ATP8A2: variants seen among roughly 807,000 people sequenced by gnomAD.
The protein encoded by ATP8A2 is ATPase phospholipid transporting 8A2.
In ATP8A2, 100 loss-of-function variants were observed where a neutral mutation model predicts 165.6. The ratio of observed to expected loss-of-function variants is 0.60; its 90% CI spans 0.51 to 0.71. ATP8A2 has a LOEUF of 0.71. ATP8A2 is among the 30% of genes least tolerant of loss of function. ATP8A2 has a pLI of 0.00. For synonymous variants in ATP8A2, 543 were observed against 548.8 expected, an observed-to-expected ratio of 0.99 and a Z score of 0.15; for missense variants, 1,227 against 1,479.5, an observed-to-expected ratio of 0.83 and a Z score of 2.80.
intron 30 of ATP8A2, among the ~76,000 whole-genome samples, chr13:25,848,941 A>G (rs762689731): frequency 3.3e-5 from 5 of 151,934 alleles, no homozygotes; most frequent in Non-Finnish European, 7.4e-5. Flanking sequence ...ATGTAAATCT[A>G]GAAGTTGCTA....
chr13:25,848,163 C>G (rs1217530350), intron 30 of ATP8A2, among the ~76,000 whole-genome samples: 2 of 152,248 alleles, frequency 1.3e-5, no homozygotes, highest in Admixed American at 1.3e-4. Context: ...CTTCTAGCAT[C>G]TGTGAGTACG....
chr13:25,918,964 A>G (rs901096100), intron 33 of ATP8A2, among the ~76,000 whole-genome samples: 20 of 152,260 alleles, frequency 1.3e-4, no homozygotes, highest in African/African-American at 4.8e-4. Context: ...TTAAAATACT[A>G]TTCCTCATAG....
intron 27 of ATP8A2, among the ~76,000 whole-genome samples, chr13:25,821,321 C>CTAG (rs1258509909): frequency 2.0e-5 from 3 of 152,124 alleles, no homozygotes; most frequent in Non-Finnish European, 2.9e-5. Flanking sequence ...GAAGGAGATG[C>CTAG]TAGATTTCTT....
chr13:25,995,548 T>A (rs7489869), intron 35 of ATP8A2, among the ~76,000 whole-genome samples: 91,592 of 151,522 alleles, frequency 0.6, 27,988 homozygotes, highest in East Asian at 0.81. Flanking sequence ...GCTTTTTCTT[T>A]ATCCTTTATT....
chr13:25,654,307 G>A (rs1335697545), intron 24 of ATP8A2, among the ~76,000 whole-genome samples: 1 of 152,136 alleles, frequency 6.6e-6, no homozygotes, highest in African/African-American at 2.4e-5. Context: ...CTGGGCTCAG[G>A]TGATCCTTCC....
rs539934595 is a variant in ATP8A2, at chr13:25,839,423, A to G, written c.2878-123A>G. ...TTTTTTTTTCAAATTCAAGAATAAT[A>G]TGCTACTCCTGGAACCGTGCAGCGC... On this transcript the variant is annotated intron_variant, in intron 29 of 36. Transcript: ENST00000381655. 4.5e-5 allele frequency: 29 copies of G among 649,132 alleles called. No homozygotes were observed. In the South Asian group the frequency reaches 5.8e-4, roughly 13 times the overall value. 40.2% of individuals were successfully genotyped at this position (649,132 alleles called of 1,614,324 possible).
Position 25,733,410 on chromosome 13 carries a change from C to T in ATP8A2, c.2384+34065C>T, listed in dbSNP as rs372018382. 1.6e-4 allele frequency among the ~76,000 whole-genome samples: 24 copies of T among 152,204 alleles called. No individual in the cohort carries two copies. The South Asian group carries it at 4.8e-3, about 30-fold the overall frequency. On this transcript the variant is annotated intron_variant, in intron 25 of 36. Coordinates refer to ENST00000381655, the MANE Select transcript of ATP8A2 (RefSeq NM_016529.6). ...CTTAGGCACTTTGTGTTCGCATATA[C>T]ATACACAGGCATGCCCATACCTGTG... is the stretch of plus-strand genomic sequence containing the variant.
intron 24 of ATP8A2, among the ~76,000 whole-genome samples, chr13:25,667,499 C>G (rs2042178772): frequency 1.3e-5 from 2 of 152,188 alleles, no homozygotes; most frequent in South Asian, 4.1e-4. Flanking sequence ...GCATTTCCCT[C>G]TTTTTGCACA....
intron 35 of ATP8A2, among the ~76,000 whole-genome samples, chr13:26,008,889 G>A (rs1237270082): frequency 6.6e-6 from 1 of 152,086 alleles, no homozygotes; most frequent in African/African-American, 2.4e-5. Context: ...ATGTAAGGGT[G>A]ACCACTGAAA....
intron 24 of ATP8A2, among the ~76,000 whole-genome samples, chr13:25,642,361 G>A (rs1033650369): frequency 2.0e-5 from 3 of 151,900 alleles, no homozygotes; most frequent in Non-Finnish European, 2.9e-5. Context: ...TCTGACAAAG[G>A]GCTAATATCC....
intron 24 of ATP8A2, among the ~76,000 whole-genome samples, chr13:25,666,368 C>T (rs147841253): frequency 0.035 from 5,308 of 149,590 alleles, 160 homozygotes; most frequent in East Asian, 0.14. Context: ...TGCCACAATG[C>T]CCGGCTAATT....
rs529782421 is a variant in ATP8A2, at chr13:25,454,768, A to G, written c.77-14209A>G. ...GAAACCCCGTCTCTACTAAAAATAC[A>G]AAAATTGGCCAGGCGTGATGGCACA... is the stretch of plus-strand genomic sequence containing the variant. On this transcript the variant is annotated intron_variant, in intron 1 of 36. Coordinates refer to ENST00000381655, the MANE Select transcript of ATP8A2 (RefSeq NM_016529.6). Among the ~76,000 whole-genome samples the G allele has an allele frequency of 2.4e-4, 37 of 152,242 alleles. No individual in the cohort carries two copies. In the East Asian group the frequency reaches 7.0e-3, roughly 29 times the overall value.
At chr13:25,901,038 G>T (rs964697476) in intron 33 of ATP8A2, among the ~76,000 whole-genome samples, 18 of 152,226 alleles carry the variant, frequency 1.2e-4, no homozygotes, top group African/African-American at 4.1e-4. Flanking sequence ...AGTGCTGAAA[G>T]GTGGGCTGGG....
At chr13:25,401,228 A>G (rs189639924) in intron 1 of ATP8A2, among the ~76,000 whole-genome samples, 65 of 152,336 alleles carry the variant, frequency 4.3e-4, no homozygotes, top group Admixed American at 3.9e-3. Flanking sequence ...TGAGGATAAA[A>G]GTGAAAGAGG....
In ATP8A2 at chr13:25,968,634, C is replaced by A. The variant is rs1261515527; in HGVS notation, c.3332C>A (p.Ser1111Tyr). ...LEEVQELETK[S>Y]RVLGKAVLRD... ...GAGGTGCAGGAGCTGGAAACCAAGT[C>A]TCGAGTCCTGGGAAAAGCGGTGCTG... The change falls in exon 35 of 37, where the codon TCT becomes TAT. Residue 1111 changes from serine to tyrosine, a missense_variant. Ser to Tyr is a moderately radical substitution (Grantham distance 144). This residue lies in a region of ATP8A2 where 260 missense variants were observed against 245.1 expected (regional missense o/e 1.06). Transcript: ENST00000381655. 1 of 1,613,772 alleles carries A rather than the reference C, an allele frequency of 6.2e-7. No individual in the cohort carries two copies. Among genetic ancestry groups the A allele is most frequent in the Non-Finnish European group, 8.5e-7 (1 of 1,180,016 alleles).
At chr13:25,919,254 G>GATATAGACAA (rs1184544018) in intron 33 of ATP8A2, among the ~76,000 whole-genome samples, 1 of 152,120 alleles carries the variant, frequency 6.6e-6, no homozygotes, top group South Asian at 2.1e-4. Flanking sequence ...AGTTCATCTG[G>GATATAGACAA]GGAAAATATA....
chr13:25,445,401 G>T (rs1197393120), intron 1 of ATP8A2, among the ~76,000 whole-genome samples: 1 of 152,148 alleles, frequency 6.6e-6, no homozygotes, highest in African/African-American at 2.4e-5. Context: ...GAAATTACTT[G>T]CAGCCTCGTC....
intron 24 of ATP8A2, among the ~76,000 whole-genome samples, chr13:25,689,719 T>C (rs2042681660): frequency 6.6e-6 from 1 of 152,178 alleles, no homozygotes; most frequent in African/African-American, 2.4e-5. Flanking sequence ...CACAGTGACT[T>C]CTAGAGATCC....
intron 1 of ATP8A2, among the ~76,000 whole-genome samples, chr13:25,376,618 A>G (rs2032635079): frequency 6.6e-6 from 1 of 152,228 alleles, no homozygotes; most frequent in Non-Finnish European, 1.5e-5. Flanking sequence ...TGTGCATATA[A>G]GTGCATGCAC....
Sources: gnomAD v4.1 joint callset for allele counts (sites outside exome capture counted in the v4.1 genomes callset) on GRCh38, gnomAD v4.1.1 for gene constraint, gnomAD v4.1.1 regional missense constraint, MANE v1.5 for transcripts, NCBI Gene and HGNC (gene_info 2026-07-23, HGNC 2026-07-21) for gene names.